The following SMG1 variants were observed in gnomAD, a reference collection of about 807,000 sequenced individuals.
SMG1 encodes the protein SMG1 nonsense mediated mRNA decay associated PI3K related kinase.
SMG1 carries 22 observed loss-of-function variants against 419.9 expected under a neutral mutation model. The observed-to-expected ratio is 0.05, with a 90% CI of 0.04 to 0.07. SMG1 has a LOEUF of 0.07. Among genes scored for constraint, SMG1 ranks in the 10% least tolerant of loss-of-function variants. The pLI is 1.00. For synonymous variants in SMG1, 1,538 were observed against 1,553.5 expected (o/e 0.99, Z 0.23); for missense variants, 3,185 against 4,342.0 (o/e 0.73, Z 7.49).
chr16:18,879,884 T>C lies in SMG1; in HGVS notation c.1294-165A>G, dbSNP rs1024104945. ...AGTAGTTGAATAATAATGATATCTTTAGTACAGTATGTAAACATGATCTTG... is the reference window on the plus strand; with the variant it reads ...AGTAGTTGAATAATAATGATATCTTCAGTACAGTATGTAAACATGATCTTG... On this transcript the variant is annotated intron_variant, in intron 10 of 62. Coordinates refer to ENST00000446231, the MANE Select transcript of SMG1 (RefSeq NM_015092.5). 5.3e-5 allele frequency among the ~76,000 whole-genome samples: 8 copies of C among 152,262 alleles called. 1 individual carries two copies. The highest frequency in any genetic ancestry group is 1.3e-4 in the Admixed American group (2 of 15,286).
intron 11 of SMG1, chr16:18,878,202 G>A (rs1350042263): frequency 2.0e-5 from 3 of 151,518 alleles, no homozygotes; most frequent in Non-Finnish European, 2.9e-5. Context: ...AGGAGATCGA[G>A]ACCATCCTGG....
chr16:18,807,193 T>C lies in SMG1; in HGVS notation c.*2376A>G, dbSNP rs2141902872. Reference sequence around the variant, plus strand: ...CAATAAAATTCACCTATTTATCTTCTTTACCAAAGAGAAAGCAATTTCTGA... The same window carrying C: ...CAATAAAATTCACCTATTTATCTTCCTTACCAAAGAGAAAGCAATTTCTGA... On this transcript the variant is annotated 3_prime_UTR_variant, in exon 63 of 63. Transcript: ENST00000446231. 1 of 152,346 alleles carries C rather than the reference T, an allele frequency of 6.6e-6. No homozygotes were observed. Among genetic ancestry groups the C allele is most frequent in the East Asian group, 1.9e-4 (1 of 5,188 alleles). 9.4% of individuals were successfully genotyped at this position (152,346 alleles called of 1,614,324 possible).
Position 18,868,173 on chromosome 16 carries a change from C to G in SMG1, c.3195+17G>C, listed in dbSNP as rs962040671. ...TTATTAACAGACTTAAAATGAATTT[C>G]AAACACACCACATTACCTGAGATAG... On this transcript the variant is annotated intron_variant, in intron 22 of 62. Transcript: ENST00000446231. 1.9e-6 allele frequency: 3 copies of G among 1,573,190 alleles called. No individual in the cohort carries two copies. The African/African-American group carries it at 4.0e-5, about 21-fold the overall frequency.
chr16:18,901,960 G>A (rs920228509), intron 1 of SMG1, among the ~76,000 whole-genome samples: 6 of 148,870 alleles, frequency 4.0e-5, no homozygotes, highest in Non-Finnish European at 3.0e-5. Flanking sequence ...AAAAAGGGGG[G>A]GGTGGCGGTG....
At chr16:18,830,489 T>A in intron 51 of SMG1, 120 bp from the exon 52 acceptor site, 1 of 1,165,766 alleles carries the variant, frequency 8.6e-7, no homozygotes, top group Non-Finnish European at 1.2e-6. Context: ...CTTCTGGCAT[T>A]AAGAAGAAGT....
intron 37 of SMG1, 46 bp from the exon 38 acceptor site, chr16:18,847,653 C>A (rs1019216833): frequency 3.7e-6 from 6 of 1,610,068 alleles, no homozygotes; most frequent in Non-Finnish European, 5.1e-6. Flanking sequence ...AGCCTATGCA[C>A]AGCACAGCTC....
intron 57 of SMG1, 90 bp from the exon 58 acceptor site, chr16:18,816,619 T>G: frequency 9.5e-7 from 1 of 1,052,252 alleles, no homozygotes; most frequent in Non-Finnish European, 1.4e-6. Context: ...TATTAGTAAC[T>G]CAAGCTGACA....
At chr16:18,902,974 G>A (rs999689331) in intron 1 of SMG1, among the ~76,000 whole-genome samples, 6 of 151,816 alleles carry the variant, frequency 4.0e-5, no homozygotes, top group African/African-American at 1.2e-4. Flanking sequence ...ACTCCACCAC[G>A]CCCAGCAACT....
intron 1 of SMG1, among the ~76,000 whole-genome samples, chr16:18,912,300 G>A (rs2037825150): frequency 6.6e-6 from 1 of 151,456 alleles, no homozygotes. Context: ...TATTTGCAAA[G>A]AGAAGACAGA....
chr16:18,896,607 A>T (rs1332705757), intron 2 of SMG1, among the ~76,000 whole-genome samples, 186 bp downstream of exon 2: 1 of 152,164 alleles, frequency 6.6e-6, no homozygotes, highest in Non-Finnish European at 1.5e-5. Flanking sequence ...TATGGAAAAA[A>T]TTTTAAATTT....
At chr16:18,869,818 T>C (rs753278615) in intron 19 of SMG1, 36 bp downstream of exon 19, 25 of 1,561,286 alleles carry the variant, frequency 1.6e-5, no homozygotes, top group East Asian at 2.2e-5. Context: ...CTTAAAATTA[T>C]GTTTCCCAGA....
intron 62 of SMG1, 52 bp from the exon 63 acceptor site, chr16:18,809,698 TCTG>T (rs1315594983): frequency 7.2e-7 from 1 of 1,391,420 alleles, no homozygotes; most frequent in Non-Finnish European, 1.0e-6. Flanking sequence ...TTTTCAATTG[TCTG>T]CTGAATTACA....
intron 4 of SMG1, among the ~76,000 whole-genome samples, chr16:18,891,448 T>A (rs540601542): frequency 6.6e-6 from 1 of 152,058 alleles, no homozygotes; most frequent in African/African-American, 2.4e-5. Context: ...TTTTTTTTTT[T>A]TTTCAAGATG....
intron 14 of SMG1, 71 bp downstream of exon 14, chr16:18,872,423 T>C: frequency 2.0e-6 from 3 of 1,467,786 alleles, no homozygotes; most frequent in African/African-American, 1.5e-5. Flanking sequence ...TCAACATACA[T>C]CTTTAAAATC....
intron 51 of SMG1, among the ~76,000 whole-genome samples, chr16:18,831,119 G>A (rs192262929): frequency 2.6e-5 from 4 of 152,132 alleles, no homozygotes; most frequent in African/African-American, 9.6e-5. Flanking sequence ...TGAATGTAAG[G>A]TCTTCAGAAA....
At chr16:18,895,139 C>G (rs2037065323) in intron 3 of SMG1, among the ~76,000 whole-genome samples, 1 of 152,184 alleles carries the variant, frequency 6.6e-6, no homozygotes, top group African/African-American at 2.4e-5. Flanking sequence ...TTCCAAGGCA[C>G]TCACCTATAC....
Position 18,845,760 on chromosome 16 carries a change from A to G in SMG1, c.5997-109T>C, listed in dbSNP as rs895062991. 1.2e-5 allele frequency: 9 copies of G among 761,032 alleles called. No homozygotes were observed. The Admixed American group carries it at 1.6e-4, about 14-fold the overall frequency. 47.1% of individuals were successfully genotyped at this position (761,032 alleles called of 1,614,324 possible). A position where few individuals can be genotyped will look rare whatever the true frequency, so the allele number is the denominator to read the frequency against. ...ATTGTTAAGTAAACAGTACCAAGGA[A>G]TAAGTCTAAATAAAGCAATAACATA... On this transcript the variant is annotated intron_variant, in intron 38 of 62. Transcript: ENST00000446231.
intron 12 of SMG1, 114 bp from the exon 13 acceptor site, chr16:18,876,507 G>C (rs990432400): frequency 1.7e-5 from 23 of 1,336,614 alleles, no homozygotes; most frequent in Non-Finnish European, 2.2e-5. Flanking sequence ...ATTTAAGATC[G>C]ATCAATTCAC....
chr16:18,805,063 A>AC lies in SMG1; in HGVS notation c.*4505dup, dbSNP rs2030700767. The AC allele has an allele frequency of 6.6e-6, 1 of 152,670 alleles. No individual in the cohort carries two copies. The highest frequency in any genetic ancestry group is 6.5e-5 in the Admixed American group (1 of 15,288). The allele number at this position is 152,670 out of a possible 1,614,324, so 9.5% of individuals were successfully genotyped here. ...ATCAGGAGGCATTACAACCTTTTGT[A>AC]CAGAAAAGCCACTATTTATACATTG... On this transcript the variant is annotated 3_prime_UTR_variant, in exon 63 of 63. Coordinates refer to ENST00000446231, the MANE Select transcript of SMG1 (RefSeq NM_015092.5).
Sources: allele counts gnomAD v4.1 joint callset (sites outside exome capture counted in the v4.1 genomes callset), GRCh38; gene constraint gnomAD v4.1.1; transcripts MANE v1.5; gene names NCBI Gene and HGNC (gene_info 2026-07-23, HGNC 2026-07-21).